The following HSD17B12 variants were observed in gnomAD, a reference collection of about 807,000 sequenced individuals.
HSD17B12 encodes very-long-chain 3-oxoacyl-CoA reductase.
In HSD17B12, 32 loss-of-function variants were observed where a neutral mutation model predicts 39.3. The observed-to-expected ratio is 0.81, with a 90% CI of 0.61 to 1.09. HSD17B12 has a LOEUF of 1.09. HSD17B12 is among the 50% of genes least tolerant of loss of function. The pLI, the probability that HSD17B12 is intolerant of heterozygous loss-of-function variation, is 0.00. For missense variants in HSD17B12, 342 were observed against 382.9 expected, an observed-to-expected ratio of 0.89 and a Z score of 0.89; for synonymous variants, 150 against 146.7, an observed-to-expected ratio of 1.02 and a Z score of -0.16.
intron 3 of HSD17B12, among the ~76,000 whole-genome samples, chr11:43,766,102 G>A (rs185205311): frequency 2.6e-5 from 4 of 152,346 alleles, no homozygotes; most frequent in Non-Finnish European, 5.9e-5. Context: ...TGGGATTACA[G>A]GCGTGAGCCA....
the HSD17B12 span, among the ~76,000 whole-genome samples, chr11:43,620,169 A>G: frequency 6.6e-6 from 1 of 152,150 alleles, no homozygotes; most frequent in African/African-American, 2.4e-5. Context: ...TGTAAGTTTC[A>G]TTTACCTTTT....
chr11:43,650,817 T>A, the HSD17B12 span, among the ~76,000 whole-genome samples: 1 of 152,368 alleles, frequency 6.6e-6, no homozygotes, highest in South Asian at 2.1e-4. Context: ...AACTGCAGTT[T>A]GAAAATATTA....
chr11:43,594,091 A>G, the HSD17B12 span, among the ~76,000 whole-genome samples: 3 of 152,296 alleles, frequency 2.0e-5, no homozygotes, highest in East Asian at 3.9e-4. Context: ...GAAAGGGGAA[A>G]CGGTCAATGC....
the HSD17B12 span, chr11:43,570,063 T>A: frequency 6.6e-6 from 1 of 152,610 alleles, no homozygotes; most frequent in Non-Finnish European, 1.5e-5. Flanking sequence ...CATGCTAGAT[T>A]CAGTCCATCA....
intron 1 of HSD17B12, among the ~76,000 whole-genome samples, chr11:43,727,647 C>T (rs1950233027): frequency 6.6e-6 from 1 of 152,066 alleles, no homozygotes; most frequent in Non-Finnish European, 1.5e-5. Context: ...ATATAAATTC[C>T]CATCATAGTA....
chr11:43,836,466 G>C (rs956850108), intron 7 of HSD17B12, among the ~76,000 whole-genome samples: 1 of 152,068 alleles, frequency 6.6e-6, no homozygotes, highest in African/African-American at 2.4e-5. Flanking sequence ...CAGTTTAAAG[G>C]TGATACATTC....
At chr11:43,689,511 T>C (rs1949832926) in intron 1 of HSD17B12, among the ~76,000 whole-genome samples, 1 of 152,122 alleles carries the variant, frequency 6.6e-6, no homozygotes, top group Admixed American at 6.6e-5. Flanking sequence ...TGGCTTTGAA[T>C]AAGGCTTTAT....
chr11:43,826,295 G>A (rs1315570813), intron 6 of HSD17B12, among the ~76,000 whole-genome samples: 2 of 152,062 alleles, frequency 1.3e-5, no homozygotes, highest in East Asian at 1.9e-4. Context: ...GTGTTAGCCA[G>A]GATGGTCTCG....
intron 6 of HSD17B12, among the ~76,000 whole-genome samples, chr11:43,817,030 ATATC>A (rs1457901702): frequency 4.5e-5 from 1 of 22,272 alleles, no homozygotes; most frequent in African/African-American, 1.2e-4. Context: ...ATCTATATCT[ATATC>A]TATATCTATA....
At chr11:43,612,272 C>A in the HSD17B12 span, among the ~76,000 whole-genome samples, 1 of 152,256 alleles carries the variant, frequency 6.6e-6, no homozygotes, top group Non-Finnish European at 1.5e-5. Context: ...ATGAGCCCTT[C>A]TGGGTAGTAA....
the HSD17B12 span, among the ~76,000 whole-genome samples, chr11:43,599,064 A>G: frequency 2.0e-5 from 3 of 152,182 alleles, no homozygotes; most frequent in Non-Finnish European, 4.4e-5. Context: ...AATAAGACAT[A>G]TACTCTCCTT....
At chr11:43,849,235 G>A (rs1166861190) in intron 9 of HSD17B12, among the ~76,000 whole-genome samples, 3 of 152,136 alleles carry the variant, frequency 2.0e-5, no homozygotes, top group African/African-American at 7.2e-5. Context: ...AGCCCGGGAG[G>A]TGGAGGTTGC....
intron 1 of HSD17B12, among the ~76,000 whole-genome samples, chr11:43,721,096 G>A (rs1409012670): frequency 6.6e-6 from 1 of 151,736 alleles, no homozygotes; most frequent in Admixed American, 6.6e-5. Flanking sequence ...ATGGTGATGA[G>A]CAAGACAGTC....
chr11:43,624,080 A>G, the HSD17B12 span, among the ~76,000 whole-genome samples: 1 of 151,976 alleles, frequency 6.6e-6, no homozygotes, highest in Non-Finnish European at 1.5e-5. Flanking sequence ...TCTACCTAAA[A>G]AGAAGATTTG....
chr11:43,840,963 G>A (rs1446094066), intron 9 of HSD17B12, among the ~76,000 whole-genome samples: 1 of 152,110 alleles, frequency 6.6e-6, no homozygotes, highest in Non-Finnish European at 1.5e-5. Flanking sequence ...TTCCATGTCA[G>A]CTACACCAGT....
chr11:43,589,600 A>G, the HSD17B12 span, among the ~76,000 whole-genome samples: 10 of 152,250 alleles, frequency 6.6e-5, no homozygotes, highest in Non-Finnish European at 1.0e-4. Context: ...CAGTCTATGC[A>G]TTGCTTCCAC....
At chr11:43,658,679 G>A in the HSD17B12 span, among the ~76,000 whole-genome samples, 3 of 152,312 alleles carry the variant, frequency 2.0e-5, no homozygotes, top group African/African-American at 7.2e-5. Context: ...GTTTTCCTGG[G>A]TGTCAGCAGC....
At chr11:43,838,496 T>A in intron 8 of HSD17B12, 98 bp downstream of exon 8, 1 of 930,028 alleles carries the variant, frequency 1.1e-6, no homozygotes, top group Non-Finnish European at 1.7e-6. Flanking sequence ...AGTTCTGTTC[T>A]TGGCAGTTTT....
chr11:43,739,599 T>C (rs944092348), intron 1 of HSD17B12, among the ~76,000 whole-genome samples: 1 of 152,144 alleles, frequency 6.6e-6, no homozygotes, highest in African/African-American at 2.4e-5. Flanking sequence ...ATGAAGATTC[T>C]TTTATAAGGG....
Sources: allele counts gnomAD v4.1 joint callset (sites outside exome capture counted in the v4.1 genomes callset), GRCh38; gene constraint gnomAD v4.1.1; transcripts MANE v1.5; gene names NCBI Gene and HGNC (gene_info 2026-07-23, HGNC 2026-07-21).